The following COL21A1 variants were observed in gnomAD, a reference collection of about 807,000 sequenced individuals.
The protein encoded by COL21A1 is collagen type XXI alpha 1 chain.
COL21A1 carries 149 observed loss-of-function variants against 137.9 expected under a neutral mutation model. The ratio of observed to expected loss-of-function variants is 1.08; its 90% CI spans 0.95 to 1.24. The LOEUF is 1.24. Among genes scored for constraint, COL21A1 ranks in the 50% most tolerant of loss-of-function variants. COL21A1 has a pLI of 0.00. For missense variants in COL21A1, 1,167 were observed against 1,158.4 expected (o/e 1.01, Z -0.11); for synonymous variants, 456 against 391.5 (o/e 1.16, Z -1.95).
At chr6:56,085,126 T>C (rs1768116926) in intron 17 of COL21A1, among the ~76,000 whole-genome samples, 1 of 151,976 alleles carries the variant, frequency 6.6e-6, no homozygotes, top group Non-Finnish European at 1.5e-5. Context: ...AGAACTTTTC[T>C]AAAACAAAAA....
chr6:56,132,878 T>C (rs1033963682), intron 12 of COL21A1, among the ~76,000 whole-genome samples: 1 of 152,208 alleles, frequency 6.6e-6, no homozygotes. Flanking sequence ...CTGCCATTCA[T>C]GTAAGACTTG....
At chr6:56,206,706 A>T (rs1779810949) in intron 1 of COL21A1, among the ~76,000 whole-genome samples, 1 of 13,946 alleles carries the variant, frequency 7.2e-5, no homozygotes, top group Non-Finnish European at 1.2e-4. Flanking sequence ...AAATATATAT[A>T]TATATATATA....
At chr6:56,186,157 C>A (rs1778282063) in intron 1 of COL21A1, among the ~76,000 whole-genome samples, 1 of 152,022 alleles carries the variant, frequency 6.6e-6, no homozygotes, top group Non-Finnish European at 1.5e-5. Flanking sequence ...ATATCATGAC[C>A]ATGTGGGATT....
At chr6:56,335,924 G>A (rs1235093109) in intron 1 of COL21A1, among the ~76,000 whole-genome samples, 1 of 152,126 alleles carries the variant, frequency 6.6e-6, no homozygotes, top group Non-Finnish European at 1.5e-5. Flanking sequence ...GTGAGAGTCT[G>A]GGGGACTCTC....
At chr6:56,188,493 A>G (rs1778447841) in intron 1 of COL21A1, among the ~76,000 whole-genome samples, 1 of 152,214 alleles carries the variant, frequency 6.6e-6, no homozygotes, top group Non-Finnish European at 1.5e-5. Context: ...CCAGTCAGGA[A>G]CTTATAGATA....
intron 1 of COL21A1, among the ~76,000 whole-genome samples, chr6:56,392,188 C>T (rs148494081): frequency 2.6e-3 from 392 of 152,208 alleles, no homozygotes; most frequent in Non-Finnish European, 4.7e-3. Flanking sequence ...CAGGATAATT[C>T]AACATACACA....
At chr6:56,301,084 T>C (rs1040517382) in intron 1 of COL21A1, among the ~76,000 whole-genome samples, 1 of 152,084 alleles carries the variant, frequency 6.6e-6, no homozygotes. Flanking sequence ...ATAGCTACAA[T>C]GGTTTGGTAA....
rs181639798 is a variant in COL21A1, at chr6:56,262,269, C to T, written c.-38-79613G>A. Among the ~76,000 whole-genome samples, 38 of 152,294 alleles carry T rather than the reference C, an allele frequency of 2.5e-4. No homozygotes were observed. The East Asian group carries it at 4.8e-3, about 19-fold the overall frequency. On this transcript the variant is annotated intron_variant, in intron 1 of 28. Coordinates refer to the COL21A1 transcript ENST00000370819. ...GAAATTCTTAAATAATCCTTCTTCTCTCAACTTAGACCATCCTCTGTACTT... is the reference window on the plus strand; with the variant it reads ...GAAATTCTTAAATAATCCTTCTTCTTTCAACTTAGACCATCCTCTGTACTT...
chr6:56,078,816 AC>A (rs145086753), intron 17 of COL21A1, among the ~76,000 whole-genome samples: 249 of 151,764 alleles, frequency 1.6e-3, no homozygotes, highest in Non-Finnish European at 2.5e-3. Context: ...GTGAGCAATG[AC>A]TATCAACAAG....
chr6:56,276,960 G>A (rs868850967), intron 1 of COL21A1, among the ~76,000 whole-genome samples: 8 of 145,070 alleles, frequency 5.5e-5, no homozygotes, highest in African/African-American at 1.5e-4. Flanking sequence ...GGCGCATGCC[G>A]CCACGCCTGG....
chr6:56,099,252 T>TA (rs1582349338), intron 17 of COL21A1, among the ~76,000 whole-genome samples: 1 of 127,732 alleles, frequency 7.8e-6, no homozygotes, highest in Non-Finnish European at 1.6e-5. Context: ...TTTTTTTTTT[T>TA]AGAGGGAGTT....
intron 1 of COL21A1, among the ~76,000 whole-genome samples, chr6:56,310,971 A>G (rs1209512664): frequency 2.0e-5 from 3 of 152,210 alleles, no homozygotes; most frequent in South Asian, 2.1e-4. Flanking sequence ...TCCCTGGCAC[A>G]GATGTAGCAA....
chr6:56,230,570 C>T (rs1213612624), intron 1 of COL21A1, among the ~76,000 whole-genome samples: 1 of 151,492 alleles, frequency 6.6e-6, no homozygotes, highest in Non-Finnish European at 1.5e-5. Context: ...TTGTTATTAA[C>T]ATAAAGTATT....
intron 12 of COL21A1, among the ~76,000 whole-genome samples, chr6:56,127,057 C>G (rs1434442132): frequency 6.6e-6 from 1 of 152,176 alleles, no homozygotes; most frequent in Non-Finnish European, 1.5e-5. Context: ...GTTCAAATCA[C>G]CAAACCATTG....
intron 1 of COL21A1, among the ~76,000 whole-genome samples, chr6:56,183,361 T>C (rs1276179308): frequency 1.3e-5 from 2 of 152,160 alleles, no homozygotes; most frequent in Non-Finnish European, 2.9e-5. Context: ...CTTTGTCATA[T>C]AGAAATGATT....
intron 1 of COL21A1, among the ~76,000 whole-genome samples, chr6:56,337,608 C>T: frequency 6.6e-6 from 1 of 152,216 alleles, no homozygotes; most frequent in African/African-American, 2.4e-5. Context: ...GTGCCTCAGT[C>T]TTAACATCTG....
At chr6:56,059,350 C>T (rs1765596576) in intron 28 of COL21A1, 108 bp from the exon 29 acceptor site, 2 of 648,298 alleles carry the variant, frequency 3.1e-6, no homozygotes, top group African/African-American at 3.8e-5. Context: ...CTTTTAAAAA[C>T]CAGCTTGCCA....
intron 1 of COL21A1, among the ~76,000 whole-genome samples, chr6:56,303,043 T>C (rs1349432018): frequency 6.6e-6 from 1 of 152,094 alleles, no homozygotes; most frequent in East Asian, 1.9e-4. Context: ...TAGTTGTAGA[T>C]ACGTGGCATT....
At chr6:56,059,269 G>A (rs1174449621) in intron 28 of COL21A1, 27 bp from the exon 29 acceptor site, 8 of 1,509,456 alleles carry the variant, frequency 5.3e-6, no homozygotes, top group Non-Finnish European at 6.3e-6. Flanking sequence ...ATCTGAGTAA[G>A]TTTACTTAAA....
Sources: gnomAD v4.1 joint callset for allele counts (sites outside exome capture counted in the v4.1 genomes callset) on GRCh38, gnomAD v4.1.1 for gene constraint, MANE v1.5 for transcripts, NCBI Gene and HGNC (gene_info 2026-07-23, HGNC 2026-07-21) for gene names.